The following PKHD1L1 variants were observed in gnomAD, a reference collection of about 807,000 sequenced individuals.
The protein encoded by PKHD1L1 is PKHD1 like 1.
A neutral mutation model predicts 462.9 loss-of-function variants in PKHD1L1; 434 were observed. The ratio of observed to expected loss-of-function variants is 0.94; its 90% CI spans 0.87 to 1.02. The LOEUF is 1.02. Among genes scored for constraint, PKHD1L1 ranks in the 50% least tolerant of loss-of-function variants. The pLI, the probability that PKHD1L1 is intolerant of heterozygous loss-of-function variation, is 0.00. For missense variants in PKHD1L1, 5,202 were observed against 5,096.1 expected, an observed-to-expected ratio of 1.02 and a Z score of -0.63; for synonymous variants, 1,781 against 1,750.0, an observed-to-expected ratio of 1.02 and a Z score of -0.44.
chr8:109,391,823 G>A (rs776201962), intron 9 of PKHD1L1, among the ~76,000 whole-genome samples: 12 of 152,142 alleles, frequency 7.9e-5, no homozygotes, highest in Admixed American at 3.9e-4. Context: ...ACTGCAATTG[G>A]TTTGTGAACT....
At position 109,522,195 on chromosome 8, in the gene PKHD1L1, AG is replaced by A. The variant is rs753090204; in HGVS notation, c.12042del (p.Gln4014HisfsTer16). On this transcript the variant is annotated frameshift_variant, in exon 74 of 78. Transcript: ENST00000378402. LOFTEE classifies it high-confidence loss of function. The part of the protein sequence containing the change: ...FISNGTTGQM[Q>X]LSELQEIAGS... The stretch of plus-strand genomic sequence containing the variant: ...ATACTTTTCCCCATAGGTCAGATGC[AG>A]TTATCTGAACTCCAGGAAATTGCTG... The A allele has an allele frequency of 1.9e-5, 30 of 1,599,768 alleles. No individual in the cohort carries two copies. Among genetic ancestry groups the A allele is most frequent in the Non-Finnish European group, 2.4e-5 (28 of 1,168,312 alleles).
In PKHD1L1 at chr8:109,445,369, G is replaced by C. The variant is rs1445823662; in HGVS notation, c.5500G>C (p.Ala1834Pro). 1 of 1,613,858 alleles carries C rather than the reference G, an allele frequency of 6.2e-7. No individual in the cohort carries two copies. Among genetic ancestry groups the C allele is most frequent in the Non-Finnish European group, 8.5e-7 (1 of 1,179,902 alleles). The change falls in exon 38 of 78, where the codon GCA becomes CCA. Residue 1834 changes from alanine to proline, a missense_variant. Around this residue, in one of 3 missense-constraint regions of PKHD1L1, gnomAD observed 4,497 missense variants for 4,336.8 expected, o/e 1.04. Coordinates refer to ENST00000378402, the MANE Select transcript of PKHD1L1 (RefSeq NM_177531.6). ...GNLTVSSPPVASLSPTSGSIG... is the reference protein window; with the variant it reads ...GNLTVSSPPVPSLSPTSGSIG... Reference sequence around the variant, plus strand: ...CCTGACTGTCAGCAGCCCCCCAGTAGCATCTCTATCACCAACTTCTGGAAG... The same window carrying C: ...CCTGACTGTCAGCAGCCCCCCAGTACCATCTCTATCACCAACTTCTGGAAG...
chr8:109,465,368 A>G, intron 49 of PKHD1L1, 123 bp downstream of exon 49: 2 of 1,037,056 alleles, frequency 1.9e-6, no homozygotes, highest in South Asian at 3.5e-5. Context: ...AACTTTACTA[A>G]TAATTTAAAT....
At chr8:109,511,003 G>A (rs1231245316) in intron 71 of PKHD1L1, 69 bp downstream of exon 71, 1 of 1,509,170 alleles carries the variant, frequency 6.6e-7, no homozygotes, top group East Asian at 2.3e-5. Context: ...GCTAAGGCTT[G>A]TACCTCCTCC....
intron 68 of PKHD1L1, among the ~76,000 whole-genome samples, chr8:109,506,788 A>G (rs1329068130): frequency 6.6e-6 from 1 of 152,228 alleles, no homozygotes; most frequent in African/African-American, 2.4e-5. Flanking sequence ...ATACTATTTA[A>G]TAGATCTGAG....
In PKHD1L1 at chr8:109,522,323, T is replaced by G; in HGVS notation, c.12169T>G (p.Ser4057Ala). 6.3e-7 allele frequency: 1 copy of G among 1,589,036 alleles called. No individual in the cohort carries two copies. Among genetic ancestry groups the G allele is most frequent in the Non-Finnish European group, 8.5e-7 (1 of 1,170,258 alleles). The change falls in exon 74 of 78, where the codon TCT becomes GCT. Residue 4057 changes from serine (S) to alanine (A), a missense_variant. Coordinates refer to ENST00000378402, the MANE Select transcript of PKHD1L1 (RefSeq NM_177531.6). ...TAATCCCCTCCCCAGCCCAAGTGAC[T>G]CTGGGTGGATTAAGGTAAGAAAATG... The part of the protein sequence containing the change: ...ITNPLPSPSD[S>A]GWIKVTAQPV...
intron 44 of PKHD1L1, 61 bp downstream of exon 44, chr8:109,454,307 A>G (rs1816699416): frequency 1.7e-6 from 2 of 1,166,016 alleles, no homozygotes; most frequent in African/African-American, 1.5e-5. Flanking sequence ...TTTTTTAAAT[A>G]CTATGTGTAA....
At position 109,443,092 on chromosome 8, in the gene PKHD1L1, C is replaced by A. The variant is rs1673408; in HGVS notation, c.4540C>A (p.Arg1514Ser). 0.54 allele frequency: 876,612 copies of A among 1,612,030 alleles called. 241,067 individuals are homozygous for A. The highest frequency in any genetic ancestry group is 0.69 in the South Asian group (62,404 of 91,018). ...RHIPLHLFVGRSEATYAYGGP... is the reference protein window; with the variant it reads ...RHIPLHLFVGSSEATYAYGGP... ...CATTCCCTTGCACCTGTTTGTGGGT[C>A]GCTCTGAAGCCACATATGCTTATGG... The change falls in exon 36 of 78, where the codon CGC (arginine) becomes AGC (serine). Residue 1514 changes from arginine (R) to serine (S), a missense_variant. Physicochemically the swap from Arg to Ser is moderately radical, Grantham distance 110. This residue lies in a region of PKHD1L1 where 4,497 missense variants were observed against 4,336.8 expected (regional missense o/e 1.04). Transcript: ENST00000378402.
At chr8:109,509,759 C>T (rs888708470) in intron 70 of PKHD1L1, among the ~76,000 whole-genome samples, 7 of 151,626 alleles carry the variant, frequency 4.6e-5, no homozygotes, top group Non-Finnish European at 1.0e-4. Context: ...ATTTTGTATG[C>T]TAAGGAAAAG....
chr8:109,430,036 A>G lies in PKHD1L1; in HGVS notation c.3228A>G (p.Gln1076=), dbSNP rs1285924162. 4 of 1,598,560 alleles carry G rather than the reference A, an allele frequency of 2.5e-6. No individual in the cohort carries two copies. Among genetic ancestry groups the G allele is most frequent in the African/African-American group, 1.4e-5 (1 of 73,912 alleles). The change falls in exon 27 of 78, where the codon CAA becomes CAG. Residue 1076 remains glutamine (Q), a splice_region_variant and synonymous_variant. Coordinates refer to ENST00000378402, the MANE Select transcript of PKHD1L1 (RefSeq NM_177531.6). ...TAGTCTTGGCGATAAGCCCTTCTCAAGGTAACTTCCTGATTTTTAACCTAT... is the reference window on the plus strand; with the variant it reads ...TAGTCTTGGCGATAAGCCCTTCTCAGGGTAACTTCCTGATTTTTAACCTAT... ...TPLVLAISPS[Q]GSYEEGTILT... is the part of the protein sequence containing the mutation.
Position 109,536,423 on chromosome 8 carries a change from G to A in PKHD1L1, c.*6333G>A, listed in dbSNP as rs897046926. On this transcript the variant is annotated 3_prime_UTR_variant, in exon 78 of 78. Coordinates refer to ENST00000378402, the MANE Select transcript of PKHD1L1 (RefSeq NM_177531.6). ...TTTTATTTCTACTTTCTCAATCCAT[G>A]TACAAGATAGATTTACAAACTACTG... Among the ~76,000 whole-genome samples, 4 of 152,124 alleles carry A rather than the reference G, an allele frequency of 2.6e-5. No individual in the cohort carries two copies. Among genetic ancestry groups the A allele is most frequent in the African/African-American group, 9.7e-5 (4 of 41,426 alleles).
In PKHD1L1 at chr8:109,393,190, G is replaced by T. The variant is rs1812793666; in HGVS notation, c.741-1225G>T. ...ATGAATTTCTTAAGTAACTAATCTA[G>T]CATAAAATATTTCCAGAGACTCTTT... On this transcript the variant is annotated intron_variant, in intron 9 of 77. Coordinates refer to ENST00000378402, the MANE Select transcript of PKHD1L1 (RefSeq NM_177531.6). Among the ~76,000 whole-genome samples, 3 of 151,362 alleles carry T rather than the reference G, an allele frequency of 2.0e-5. No homozygotes were observed. The South Asian group carries it at 6.2e-4, about 32-fold the overall frequency.
At position 109,493,114 on chromosome 8, in the gene PKHD1L1, T is replaced by G. The variant is rs558031150; in HGVS notation, c.10237-547T>G. Among the ~76,000 whole-genome samples, 4 of 151,102 alleles carry G rather than the reference T, an allele frequency of 2.6e-5. No homozygotes were observed. The East Asian group carries it at 7.7e-4, about 29-fold the overall frequency. On this transcript the variant is annotated intron_variant, in intron 62 of 77. Coordinates refer to ENST00000378402, the MANE Select transcript of PKHD1L1 (RefSeq NM_177531.6). ...TGGGAGGTTGAGTTAAGAGGATTGCTTAAGCTTAGGAGTTTGAGATCTACC... is the reference window on the plus strand; with the variant it reads ...TGGGAGGTTGAGTTAAGAGGATTGCGTAAGCTTAGGAGTTTGAGATCTACC...
At chr8:109,500,640 C>T (rs1258264466) in intron 67 of PKHD1L1, among the ~76,000 whole-genome samples, 1 of 137,150 alleles carries the variant, frequency 7.3e-6, no homozygotes, top group East Asian at 2.2e-4. Flanking sequence ...CACAACTGTA[C>T]TCCAGCCTGG....
At chr8:109,433,539 G>T (rs1239162188) in intron 28 of PKHD1L1, among the ~76,000 whole-genome samples, 2 of 152,108 alleles carry the variant, frequency 1.3e-5, no homozygotes, top group South Asian at 2.1e-4. Context: ...TGTATGAAAT[G>T]CTTCTCTTGT....
At chr8:109,449,069 G>C (rs73700893) in intron 39 of PKHD1L1, among the ~76,000 whole-genome samples, 2,270 of 152,084 alleles carry the variant, frequency 0.015, 28 homozygotes, top group Middle Eastern at 0.048. Context: ...GAAATCCTTT[G>C]TGACATCTTT....
chr8:109,429,936 A>G lies in PKHD1L1; in HGVS notation c.3128A>G (p.Glu1043Gly). 3.1e-6 allele frequency: 5 copies of G among 1,609,258 alleles called. No homozygotes were observed. Among genetic ancestry groups the G allele is most frequent in the Admixed American group, 1.7e-5 (1 of 59,798 alleles). ...TTCTTGTTTCTTTACTTGAAGGTTG[A>G]AGTCTATGTCAATGGAATTCCAGCT... is the stretch of plus-strand genomic sequence containing the variant. ...LRTPSQQPQV[E>G]VYVNGIPAKC... Residue 1043 changes from glutamate (E) to glycine (G), a missense_variant, in exon 27 of 78, where the codon GAA (glutamate) becomes GGA (glycine). By Grantham distance (98) the Glu-to-Gly change is moderately conservative. Transcript: ENST00000378402.
chr8:109,474,072 C>T (rs982773540), intron 50 of PKHD1L1, among the ~76,000 whole-genome samples: 8 of 152,092 alleles, frequency 5.3e-5, no homozygotes, highest in African/African-American at 1.9e-4. Context: ...TCATACTTTA[C>T]GGGATTTTCT....
At chr8:109,442,302 C>A in intron 35 of PKHD1L1, 107 bp downstream of exon 35, 3 of 1,054,656 alleles carry the variant, frequency 2.8e-6, no homozygotes, top group South Asian at 1.9e-5. Context: ...ATAATATACA[C>A]AAATGCGTAA....
Sources: allele counts gnomAD v4.1 joint callset (sites outside exome capture counted in the v4.1 genomes callset), GRCh38; gene constraint gnomAD v4.1.1; regional missense constraint gnomAD v4.1.1; transcripts MANE v1.5; gene names NCBI Gene and HGNC (gene_info 2026-07-23, HGNC 2026-07-21).